Variants in PARD3B observed in about 807,000 individuals in gnomAD.
PARD3B encodes the protein partitioning defective 3 homolog B.
PARD3B carries 103 observed loss-of-function variants against 130.2 expected under a neutral mutation model. The observed-to-expected ratio is 0.79, with a 90% CI of 0.67 to 0.93. PARD3B has a LOEUF of 0.93. Ranked by LOEUF, PARD3B falls within the 40% of genes least tolerant of loss-of-function variation. The pLI, the probability that PARD3B is intolerant of heterozygous loss-of-function variation, is 0.00. For synonymous variants in PARD3B, 583 were observed against 553.2 expected (o/e 1.05, Z -0.76); for missense variants, 1,609 against 1,499.2 (o/e 1.07, Z -1.21).
chr2:205,168,307 G>GAGAGAGAGAA (rs960047232), intron 11 of PARD3B, among the ~76,000 whole-genome samples: 1 of 130,640 alleles, frequency 7.7e-6, no homozygotes, highest in Non-Finnish European at 1.7e-5. Flanking sequence ...GAGAGAGAGA[G>GAGAGAGAGAA]AGAGAGAGAG....
rs71032461 is a variant in PARD3B at position 205,322,889 on chromosome 2, C to CTTTTTTT, written c.2630+21224_2630+21230dup. ...TGTTGTTATATCATTATTAACACCT[C>CTTTTTTT]TTTTTTTTTTTTTTTTTTTTTTTTT... is the stretch of plus-strand genomic sequence containing the variant. On this transcript the variant is annotated intron_variant, in intron 18 of 22. Coordinates refer to ENST00000406610, the MANE Select transcript of PARD3B (RefSeq NM_001302769.2). Among the ~76,000 whole-genome samples the CTTTTTTT allele has an allele frequency of 9.7e-4, 50 of 51,468 alleles. 7 individuals are homozygous for CTTTTTTT. The highest frequency in any genetic ancestry group is 1.3e-3 in the Admixed American group (4 of 3,034). 33.8% of individuals were successfully genotyped at this position (51,468 alleles called of 152,430 possible).
intron 2 of PARD3B, among the ~76,000 whole-genome samples, chr2:204,736,893 C>G (rs1257605053): frequency 6.6e-6 from 1 of 152,138 alleles, no homozygotes. Context: ...ACATTCCCAC[C>G]AGCAGTGTAT....
chr2:204,938,882 T>C (rs1232844905), intron 2 of PARD3B, among the ~76,000 whole-genome samples: 1 of 152,146 alleles, frequency 6.6e-6, no homozygotes, highest in East Asian at 1.9e-4. Context: ...TCAGTACATA[T>C]ATCTGGATGA....
At position 204,545,793 on chromosome 2, in the gene PARD3B, G is replaced by A. The variant is rs1574434293; in HGVS notation, c.-207G>A. 1 of 495,168 alleles carries A rather than the reference G, an allele frequency of 2.0e-6. No individual in the cohort carries two copies. The allele number at this position is 495,168 out of a possible 1,614,324, so 30.7% of individuals were successfully genotyped here. ...GGCACCTGGGAGGTAACCCCTTTCCGCGGCCGCCCCTCCCCGATTCCCGCC... is the reference window on the plus strand; with the variant it reads ...GGCACCTGGGAGGTAACCCCTTTCCACGGCCGCCCCTCCCCGATTCCCGCC... On this transcript the variant is annotated 5_prime_UTR_variant, in exon 1 of 23. Coordinates refer to ENST00000406610, the MANE Select transcript of PARD3B (RefSeq NM_001302769.2).
intron 20 of PARD3B, among the ~76,000 whole-genome samples, chr2:205,488,122 C>T (rs2049518932): frequency 6.6e-6 from 1 of 152,072 alleles, no homozygotes; most frequent in Non-Finnish European, 1.5e-5. Context: ...ATGTCTTAAA[C>T]AAGGTTAGTT....
chr2:205,118,927 A>G lies in PARD3B; in HGVS notation c.687A>G (p.Leu229=). 4 of 1,597,140 alleles carry G rather than the reference A, an allele frequency of 2.5e-6. No individual in the cohort carries two copies. The highest frequency in any genetic ancestry group is 3.4e-6 in the Non-Finnish European group (4 of 1,172,986). Residue 229 remains leucine (L), a synonymous_variant, in exon 7 of 23, where the codon CTA becomes CTG. Coordinates refer to ENST00000406610, the MANE Select transcript of PARD3B (RefSeq NM_001302769.2). ...ATCTAAATTTTGCATTTAGGATTCT[A>G]GGACTCTTCATCCGAGGCATTGAAG... ...PFFSSLSGRI[L]GLFIRGIEDN...
In PARD3B at chr2:205,245,826, A is replaced by G; in HGVS notation, c.2185+4A>G. On this transcript the variant is annotated splice_donor_region_variant and intron_variant, in intron 16 of 22. Coordinates refer to ENST00000406610, the MANE Select transcript of PARD3B (RefSeq NM_001302769.2). ...TCATTGGCTGGACAAAAATCGGGTA[A>G]GAAATTCCTTGTAACTGACTATATT... 6.3e-7 allele frequency: 1 copy of G among 1,583,196 alleles called. No individual in the cohort carries two copies. Among genetic ancestry groups the G allele is most frequent in the African/African-American group, 1.3e-5 (1 of 74,364 alleles).
In PARD3B at chr2:205,440,323, T is replaced by C. The variant is rs747165265; in HGVS notation, c.2742-47T>C. ...TCAAGAGAGTATTTCATTGTATTATTATATGAAACTCACATACATCTTTGC... is the reference window on the plus strand; with the variant it reads ...TCAAGAGAGTATTTCATTGTATTATCATATGAAACTCACATACATCTTTGC... On this transcript the variant is annotated intron_variant, in intron 19 of 22. Coordinates refer to ENST00000406610, the MANE Select transcript of PARD3B (RefSeq NM_001302769.2). The surrounding 1 kb of genome is among the most constrained non-coding windows in gnomAD (Gnocchi z 4.2). 1.3e-6 allele frequency: 2 copies of C among 1,530,232 alleles called. No homozygotes were observed. The highest frequency in any genetic ancestry group is 1.1e-5 in the South Asian group (1 of 87,072). The allele number at this position is 1,530,232 out of a possible 1,614,324, so 94.8% of individuals were successfully genotyped here.
At chr2:204,596,589 A>T (rs2033297585) in intron 1 of PARD3B, among the ~76,000 whole-genome samples, 1 of 152,160 alleles carries the variant, frequency 6.6e-6, no homozygotes, top group South Asian at 2.1e-4. Context: ...AAGCAAACAC[A>T]CTTGTCAGGT....
chr2:204,620,929 T>G (rs747401840), intron 1 of PARD3B, among the ~76,000 whole-genome samples: 3 of 152,200 alleles, frequency 2.0e-5, no homozygotes, highest in African/African-American at 7.2e-5. Context: ...TCTACACTTA[T>G]AGCAAGTTAC....
intron 3 of PARD3B, among the ~76,000 whole-genome samples, chr2:204,993,773 T>G (rs1176005360): frequency 0.048 from 6,771 of 140,134 alleles, 53 homozygotes; most frequent in Non-Finnish European, 0.064. Flanking sequence ...TATTGGTCTA[T>G]TCAGAGATTC....
chr2:205,320,872 A>G (rs1057085886), intron 18 of PARD3B, among the ~76,000 whole-genome samples: 1 of 152,204 alleles, frequency 6.6e-6, no homozygotes, highest in Non-Finnish European at 1.5e-5. Flanking sequence ...GCTGATATAC[A>G]TACACTGGGG....
At chr2:204,877,252 T>G (rs2045881124) in intron 2 of PARD3B, among the ~76,000 whole-genome samples, 2 of 151,108 alleles carry the variant, frequency 1.3e-5, no homozygotes, top group Non-Finnish European at 1.5e-5. Context: ...TGTTGTGGGG[T>G]GGGGGTAGAG....
chr2:204,631,758 A>G lies in PARD3B; in HGVS notation c.121-54423A>G, dbSNP rs192602326. ...GCTGGTAACAGTTTTTCCTTTCCAT[A>G]TTTAATGCTTCCTTCAGGAATCATG... On this transcript the variant is annotated intron_variant, in intron 1 of 22. Transcript: ENST00000406610. Among the ~76,000 whole-genome samples, 494 of 152,174 alleles carry G rather than the reference A, an allele frequency of 3.2e-3. 2 individuals are homozygous for G. Among genetic ancestry groups the G allele is most frequent in the Non-Finnish European group, 5.2e-3 (351 of 67,998 alleles).
At chr2:204,908,249 T>A (rs774551069) in intron 2 of PARD3B, among the ~76,000 whole-genome samples, 27 of 152,320 alleles carry the variant, frequency 1.8e-4, no homozygotes, top group African/African-American at 2.4e-4. Flanking sequence ...TAATTCTTAA[T>A]AATTGAATCA....
intron 2 of PARD3B, among the ~76,000 whole-genome samples, chr2:204,718,044 C>A (rs560399099): frequency 6.6e-6 from 1 of 152,058 alleles, no homozygotes; most frequent in African/African-American, 2.4e-5. Flanking sequence ...GTCTCACACA[C>A]TAGTTTTATT....
At chr2:204,564,618 T>C (rs1030594962) in intron 1 of PARD3B, among the ~76,000 whole-genome samples, 2 of 152,020 alleles carry the variant, frequency 1.3e-5, no homozygotes, top group Non-Finnish European at 2.9e-5. Context: ...TTAGGAAAAA[T>C]AACTACAAAA....
At chr2:205,588,925 GGCT>G (rs1157176030) in intron 22 of PARD3B, among the ~76,000 whole-genome samples, 1 of 152,134 alleles carries the variant, frequency 6.6e-6, no homozygotes, top group Non-Finnish European at 1.5e-5. Flanking sequence ...AAGCAAGCCT[GGCT>G]GCTTTGTGCT....
At position 205,400,488 on chromosome 2, in the gene PARD3B, A is replaced by C. The variant is rs577333768; in HGVS notation, c.2631-525A>C. 8.9e-4 allele frequency among the ~76,000 whole-genome samples: 135 copies of C among 152,194 alleles called. 1 individual carries two copies. The highest frequency in any genetic ancestry group is 8.7e-4 in the Non-Finnish European group (59 of 68,018). On this transcript the variant is annotated intron_variant, in intron 18 of 22. Coordinates refer to ENST00000406610, the MANE Select transcript of PARD3B (RefSeq NM_001302769.2). Reference sequence around the variant, plus strand: ...AAACCCCGTCTCTACTAAAAATACAAAAATTAGCTGGGCATGGTGGTGTGA... The same window carrying C: ...AAACCCCGTCTCTACTAAAAATACACAAATTAGCTGGGCATGGTGGTGTGA...
Sources: gnomAD v4.1 joint callset for allele counts (sites outside exome capture counted in the v4.1 genomes callset) on GRCh38, gnomAD v4.1.1 for gene constraint, Gnocchi (gnomAD v3.1) non-coding constraint, MANE v1.5 for transcripts, NCBI Gene and HGNC (gene_info 2026-07-23, HGNC 2026-07-21) for gene names.